The following DPYD variants were observed in gnomAD, a reference collection of about 807,000 sequenced individuals.
DPYD encodes dihydropyrimidine dehydrogenase.
A neutral mutation model predicts 116.2 loss-of-function variants in DPYD; 109 were observed. The observed-to-expected ratio is 0.94, with a 90% CI of 0.80 to 1.10. The LOEUF (loss-of-function observed/expected upper bound fraction) is 1.10, where lower values mean the gene tolerates loss of function less well. Ranked by LOEUF, DPYD falls within the 50% of genes least tolerant of loss-of-function variation. The pLI is 0.00. For synonymous variants in DPYD, 440 were observed against 432.0 expected (o/e 1.02, Z -0.23); for missense variants, 1,302 against 1,254.5 (o/e 1.04, Z -0.57).
intron 21 of DPYD, among the ~76,000 whole-genome samples, chr1:97,086,202 C>T (rs971052686): frequency 3.3e-5 from 5 of 152,022 alleles, no homozygotes; most frequent in East Asian, 1.9e-4. Context: ...TACAGGCGCC[C>T]GCCACCACGC....
chr1:97,124,623 T>C (rs1652694657), intron 20 of DPYD, among the ~76,000 whole-genome samples: 1 of 152,066 alleles, frequency 6.6e-6, no homozygotes, highest in South Asian at 2.1e-4. Context: ...AATTTAACCT[T>C]CCTATTTGGC....
intron 3 of DPYD, among the ~76,000 whole-genome samples, chr1:97,763,224 C>T (rs1042515730): frequency 6.6e-6 from 1 of 151,848 alleles, no homozygotes; most frequent in African/African-American, 2.4e-5. Context: ...AGAGCAGGGC[C>T]CATATTGTAT....
intron 2 of DPYD, among the ~76,000 whole-genome samples, chr1:97,872,172 C>A (rs1036999795): frequency 6.6e-6 from 1 of 151,894 alleles, no homozygotes; most frequent in Non-Finnish European, 1.5e-5. Flanking sequence ...CTCATAAAAA[C>A]CCAACCTCAA....
At chr1:97,683,304 T>A (rs114563030) in intron 7 of DPYD, among the ~76,000 whole-genome samples, 2,009 of 152,036 alleles carry the variant, frequency 0.013, 21 homozygotes, top group Non-Finnish European at 0.021. Context: ...TGATTTTATA[T>A]TTATTTTCTA....
intron 21 of DPYD, among the ~76,000 whole-genome samples, chr1:97,083,441 T>C (rs1649305135): frequency 1.3e-5 from 2 of 152,042 alleles, no homozygotes. Context: ...TTCTATTTGA[T>C]CTCTAAATTA....
At chr1:97,696,046 C>A (rs1431083333) in intron 6 of DPYD, among the ~76,000 whole-genome samples, 1 of 151,480 alleles carries the variant, frequency 6.6e-6, no homozygotes, top group Non-Finnish European at 1.5e-5. Context: ...AGAAGAATCA[C>A]TTGAATCCCG....
chr1:97,098,901 A>G (rs1650462874), intron 20 of DPYD, among the ~76,000 whole-genome samples: 1 of 152,166 alleles, frequency 6.6e-6, no homozygotes, highest in Non-Finnish European at 1.5e-5. Flanking sequence ...ACATTTCTAA[A>G]TGGAAGAAAG....
intron 3 of DPYD, among the ~76,000 whole-genome samples, chr1:97,794,557 C>G (rs1234574945): frequency 6.6e-6 from 1 of 152,124 alleles, no homozygotes; most frequent in African/African-American, 2.4e-5. Context: ...TTTTAAATCT[C>G]TATTTTAAAA....
chr1:97,690,907 T>C (rs1660979038), intron 7 of DPYD, among the ~76,000 whole-genome samples: 1 of 152,130 alleles, frequency 6.6e-6, no homozygotes, highest in African/African-American at 2.4e-5. Context: ...TTCTCTTTTA[T>C]TGATTCATTT....
chr1:97,555,090 A>C (rs1651595583), intron 11 of DPYD, among the ~76,000 whole-genome samples: 1 of 152,118 alleles, frequency 6.6e-6, no homozygotes, highest in South Asian at 2.1e-4. Flanking sequence ...ACGGTCACCA[A>C]ATTCTGTGAC....
intron 16 of DPYD, among the ~76,000 whole-genome samples, chr1:97,307,315 T>C (rs770060441): frequency 6.6e-6 from 1 of 151,774 alleles, no homozygotes; most frequent in African/African-American, 2.4e-5. Context: ...AGAAATACAG[T>C]CATATATTTA....
At chr1:97,760,275 C>T (rs529761886) in intron 3 of DPYD, among the ~76,000 whole-genome samples, 14 of 152,162 alleles carry the variant, frequency 9.2e-5, no homozygotes, top group Admixed American at 3.9e-4. Context: ...ATCTTCATTC[C>T]AAATATACAG....
chr1:97,860,618 A>T (rs1671067917), intron 2 of DPYD, among the ~76,000 whole-genome samples: 1 of 152,140 alleles, frequency 6.6e-6, no homozygotes, highest in Non-Finnish European at 1.5e-5. Flanking sequence ...ATAACCAGTG[A>T]CATTCTCAGT....
At chr1:97,811,519 AAAC>A (rs2101390563) in intron 3 of DPYD, among the ~76,000 whole-genome samples, 1 of 152,274 alleles carries the variant, frequency 6.6e-6, no homozygotes, top group Non-Finnish European at 1.5e-5. Context: ...ACATTGCTCA[AAAC>A]AATAAATATT....
intron 8 of DPYD, among the ~76,000 whole-genome samples, chr1:97,605,026 A>G (rs1055755527): frequency 1.3e-5 from 2 of 152,122 alleles, no homozygotes; most frequent in African/African-American, 4.8e-5. Context: ...CTAGCATTAA[A>G]TCAATTACAC....
At chr1:97,783,118 G>A (rs1033764067) in intron 3 of DPYD, among the ~76,000 whole-genome samples, 2 of 152,122 alleles carry the variant, frequency 1.3e-5, no homozygotes, top group Non-Finnish European at 1.5e-5. Flanking sequence ...AACAGAAAAG[G>A]ATAAAAAATG....
chr1:97,405,869 G>C (rs1284571166), intron 14 of DPYD, among the ~76,000 whole-genome samples: 1 of 152,038 alleles, frequency 6.6e-6, no homozygotes, highest in Non-Finnish European at 1.5e-5. Context: ...TTTAGGTCTT[G>C]TTAAGAAAAA....
At chr1:97,870,915 C>T (rs891938693) in intron 2 of DPYD, among the ~76,000 whole-genome samples, 3 of 151,788 alleles carry the variant, frequency 2.0e-5, no homozygotes, top group Admixed American at 6.6e-5. Context: ...AATAGGGGAA[C>T]GATTAGAAAG....
intron 10 of DPYD, among the ~76,000 whole-genome samples, chr1:97,576,905 C>T (rs1653299566): frequency 6.6e-6 from 1 of 152,118 alleles, no homozygotes; most frequent in Non-Finnish European, 1.5e-5. Flanking sequence ...TAAATCACAC[C>T]ACTTCTGCTA....
Sources: gnomAD v4.1 joint callset for allele counts (sites outside exome capture counted in the v4.1 genomes callset) on GRCh38, gnomAD v4.1.1 for gene constraint, MANE v1.5 for transcripts, NCBI Gene and HGNC (gene_info 2026-07-23, HGNC 2026-07-21) for gene names.